EYS: variants seen among roughly 807,000 people sequenced by gnomAD.
EYS encodes the protein EGF-like photoreceptor maintenance factor, also known as protein eyes shut homolog.
In EYS, 250 loss-of-function variants were observed where a neutral mutation model predicts 282.1. That is an observed-to-expected ratio of 0.89 (90% CI 0.80 to 0.98). The LOEUF (loss-of-function observed/expected upper bound fraction) is 0.98. Ranked by LOEUF, EYS falls within the 50% of genes least tolerant of loss-of-function variation. EYS has a pLI of 0.00. For synonymous variants in EYS, 1,355 were observed against 1,282.9 expected, an observed-to-expected ratio of 1.06 and a Z score of -1.20; for missense variants, 4,016 against 3,709.0, an observed-to-expected ratio of 1.08 and a Z score of -2.15.
intron 12 of EYS, among the ~76,000 whole-genome samples, chr6:65,206,046 T>G (rs1188306853): frequency 1.3e-5 from 2 of 151,550 alleles, no homozygotes; most frequent in Admixed American, 6.6e-5. Flanking sequence ...CAGAAGAGAA[T>G]TAAATGATTC....
intron 24 of EYS, among the ~76,000 whole-genome samples, chr6:64,605,071 A>G (rs1176486051): frequency 1.3e-5 from 2 of 152,052 alleles, no homozygotes; most frequent in African/African-American, 4.8e-5. Flanking sequence ...AAACAATTTA[A>G]TCTAGCACAC....
At chr6:63,733,449 C>A (rs1768830926) in intron 41 of EYS, among the ~76,000 whole-genome samples, 1 of 152,066 alleles carries the variant, frequency 6.6e-6, no homozygotes, top group African/African-American at 2.4e-5. Context: ...CTCCCTACCC[C>A]CTCTAGTAGA....
intron 18 of EYS, among the ~76,000 whole-genome samples, chr6:64,891,349 T>C (rs1767287429): frequency 6.6e-6 from 1 of 151,960 alleles, no homozygotes; most frequent in Non-Finnish European, 1.5e-5. Flanking sequence ...CCCAGAAAAA[T>C]TTAAATGTTT....
At chr6:65,491,497 G>T in intron 4 of EYS, 1 of 348,094 alleles carries the variant, frequency 2.9e-6, no homozygotes, top group South Asian at 2.3e-5. Flanking sequence ...AGCAGTTTTT[G>T]CCATTATCAT....
chr6:65,253,980 CTT>C (rs981874222), intron 12 of EYS, among the ~76,000 whole-genome samples: 5 of 151,844 alleles, frequency 3.3e-5, no homozygotes, highest in African/African-American at 1.2e-4. Flanking sequence ...TAAAATAAAT[CTT>C]AAGGTAGGAA....
At chr6:64,635,539 G>A (rs1042126924) in intron 22 of EYS, among the ~76,000 whole-genome samples, 3 of 152,308 alleles carry the variant, frequency 2.0e-5, no homozygotes, top group Non-Finnish European at 4.4e-5. Context: ...TGAAGTAGTT[G>A]TTGAATTTTG....
chr6:64,881,900 C>A (rs1349645584), intron 19 of EYS, among the ~76,000 whole-genome samples: 2 of 151,754 alleles, frequency 1.3e-5, no homozygotes. Flanking sequence ...AAGCCAAGGA[C>A]AGTCTATAAA....
chr6:65,691,016 T>C (rs182605243), intron 1 of EYS, among the ~76,000 whole-genome samples: 1 of 150,572 alleles, frequency 6.6e-6, no homozygotes, highest in East Asian at 2.3e-4. Flanking sequence ...AAGTCTTTGC[T>C]ATTGTGAATA....
intron 12 of EYS, among the ~76,000 whole-genome samples, chr6:65,253,559 G>C (rs1428855518): frequency 2.0e-5 from 3 of 151,732 alleles, no homozygotes; most frequent in Non-Finnish European, 4.4e-5. Flanking sequence ...GCATAAGACT[G>C]AGATATTTTA....
chr6:64,821,810 T>C (rs1236694304), intron 20 of EYS, 87 bp from the exon 21 acceptor site: 9 of 781,900 alleles, frequency 1.2e-5, no homozygotes, highest in Non-Finnish European at 1.8e-5. Context: ...AACTTTTCTT[T>C]CCTAGTTCAG....
rs529716890 is a variant in EYS, at chr6:65,681,713, T to C, written c.-448+25422A>G. Among the ~76,000 whole-genome samples, 55 of 152,030 alleles carry C rather than the reference T, an allele frequency of 3.6e-4. 1 individual carries two copies. The highest frequency in any genetic ancestry group is 6.8e-3 in the Middle Eastern group (2 of 294). On this transcript the variant is annotated intron_variant, in intron 1 of 42. Coordinates refer to ENST00000503581, the MANE Select transcript of EYS (RefSeq NM_001142800.2). The stretch of plus-strand genomic sequence containing the variant: ...TCCTGTCCTCTGACCAAGACAATTT[T>C]AATGTTCCCCTCAGCTTGAGTAAAT...
At chr6:64,938,929 G>T (rs1490136747) in intron 15 of EYS, among the ~76,000 whole-genome samples, 2 of 151,580 alleles carry the variant, frequency 1.3e-5, no homozygotes, top group Admixed American at 1.3e-4. Context: ...ATCTCCCTTG[G>T]AATAGTAAAG....
chr6:65,207,619 G>A (rs576769457), intron 12 of EYS, among the ~76,000 whole-genome samples: 10 of 151,482 alleles, frequency 6.6e-5, no homozygotes, highest in African/African-American at 1.7e-4. Flanking sequence ...ATTACCTGAC[G>A]ATAACACATA....
At chr6:63,865,940 C>T (rs149192044) in intron 35 of EYS, among the ~76,000 whole-genome samples, 6 of 152,260 alleles carry the variant, frequency 3.9e-5, no homozygotes, top group African/African-American at 1.4e-4. Context: ...ATTTTGCCAA[C>T]TCATAAGGCT....
At chr6:64,708,361 C>T (rs550197924) in intron 22 of EYS, among the ~76,000 whole-genome samples, 13 of 152,282 alleles carry the variant, frequency 8.5e-5, no homozygotes, top group South Asian at 2.1e-4. Context: ...TGCTTGTTTA[C>T]CTCTCTTATT....
intron 22 of EYS, among the ~76,000 whole-genome samples, chr6:64,752,208 C>A (rs963914617): frequency 2.6e-5 from 4 of 151,712 alleles, no homozygotes; most frequent in African/African-American, 4.8e-5. Flanking sequence ...TTAAAAAAAA[C>A]TCAGTGAGAT....
chr6:65,596,143 T>C (rs1160763606), intron 2 of EYS, among the ~76,000 whole-genome samples: 1 of 152,044 alleles, frequency 6.6e-6, no homozygotes, highest in African/African-American at 2.4e-5. Flanking sequence ...TTGACAAGTT[T>C]TGGGGTGGAT....
intron 14 of EYS, among the ~76,000 whole-genome samples, chr6:64,948,169 G>A (rs1769355202): frequency 6.6e-6 from 1 of 151,356 alleles, no homozygotes; most frequent in Admixed American, 6.6e-5. Flanking sequence ...AAACATAAAA[G>A]GATGAAGAAA....
chr6:64,056,328 A>G (rs187339412), intron 33 of EYS, among the ~76,000 whole-genome samples: 19 of 152,310 alleles, frequency 1.2e-4, no homozygotes, highest in Admixed American at 1.1e-3. Flanking sequence ...TCCCTCTCCA[A>G]AGATTTTTAG....
Sources: allele counts gnomAD v4.1 joint callset (sites outside exome capture counted in the v4.1 genomes callset), GRCh38; gene constraint gnomAD v4.1.1; transcripts MANE v1.5; gene names NCBI Gene and HGNC (gene_info 2026-07-23, HGNC 2026-07-21).